Variants in MME observed in about 807,000 individuals in gnomAD.
MME encodes neprilysin.
A neutral mutation model predicts 113.2 loss-of-function variants in MME; 98 were observed. The observed-to-expected ratio is 0.87, with a 90% CI of 0.74 to 1.02. The LOEUF is 1.02. MME is among the 50% of genes least tolerant of loss of function. The pLI, the probability that MME is intolerant of heterozygous loss-of-function variation, is 0.00. For missense variants in MME, 836 were observed against 896.0 expected, an observed-to-expected ratio of 0.93 and a Z score of 0.86; for synonymous variants, 292 against 300.6, an observed-to-expected ratio of 0.97 and a Z score of 0.30.
rs1553762420 is a variant in MME at position 155,133,062 on chromosome 3, A to AATATATATATAT, written c.721-5033_721-5022dup. On this transcript the variant is annotated intron_variant, in intron 8 of 22. Coordinates refer to ENST00000360490, the MANE Select transcript of MME (RefSeq NM_007289.4). ...TCTAAAAAAAAAAAAAAAAAAAAAA[A>AATATATATATAT]ATATATATATATATATATGTATAAA... is the stretch of plus-strand genomic sequence containing the variant. Among the ~76,000 whole-genome samples, 52 of 75,058 alleles carry AATATATATATAT rather than the reference A, an allele frequency of 6.9e-4. 2 individuals carry two copies. Among genetic ancestry groups the AATATATATATAT allele is most frequent in the African/African-American group, 3.2e-3 (48 of 15,204 alleles). 49.2% of individuals were successfully genotyped at this position (75,058 alleles called of 152,430 possible). A position where few individuals can be genotyped will look rare whatever the true frequency, so the allele number is the denominator to read the frequency against.
intron 3 of MME, among the ~76,000 whole-genome samples, chr3:155,110,722 C>A (rs1395679312): frequency 6.6e-6 from 1 of 152,102 alleles, no homozygotes; most frequent in Non-Finnish European, 1.5e-5. Context: ...AATGCATGTT[C>A]ATCTAATACA....
Position 155,087,144 on chromosome 3 carries a change from T to C in MME, c.196+2050T>C, listed in dbSNP as rs16824551. Among the ~76,000 whole-genome samples, 1,473 of 152,124 alleles carry C rather than the reference T, an allele frequency of 9.7e-3. 25 individuals carry two copies. Among genetic ancestry groups the C allele is most frequent in the African/African-American group, 0.034 (1,407 of 41,514 alleles). ...GAGCCACTGCACCCAGTCTTGGATA[T>C]TCTTTACTTGGATTTTTGTTATTCA... On this transcript the variant is annotated intron_variant, in intron 3 of 22. Coordinates refer to ENST00000360490, the MANE Select transcript of MME (RefSeq NM_007289.4).
rs915287275 is a variant in MME, at chr3:155,168,918, A to G, written c.1980+121A>G. 4 of 796,350 alleles carry G rather than the reference A, an allele frequency of 5.0e-6. No homozygotes were observed. The African/African-American group carries it at 5.3e-5, about 11-fold the overall frequency. The allele number at this position is 796,350 out of a possible 1,614,324, so 49.3% of individuals were successfully genotyped here. ...ATAAGCAGTAAATGATGAATAGAAA[A>G]TGGAAAAAAATATGAGAAGAAAGAG... On this transcript the variant is annotated intron_variant, in intron 20 of 22. Transcript: ENST00000360490.
intron 22 of MME, among the ~76,000 whole-genome samples, chr3:155,177,061 G>A (rs557290496): frequency 2.6e-5 from 4 of 152,034 alleles, no homozygotes; most frequent in African/African-American, 9.6e-5. Context: ...TCTTTTAGGT[G>A]TTTTTTGTTT....
chr3:155,071,270 C>T (rs2108144410), intron 1 of MME, among the ~76,000 whole-genome samples: 1 of 152,292 alleles, frequency 6.6e-6, no homozygotes, highest in Admixed American at 6.5e-5. Flanking sequence ...TGTAACTGAG[C>T]TTAGTCACAT....
chr3:155,083,058 A>C (rs938743304), intron 1 of MME, among the ~76,000 whole-genome samples: 3 of 152,320 alleles, frequency 2.0e-5, no homozygotes, highest in Admixed American at 6.5e-5. Flanking sequence ...TGTGTGTTCT[A>C]ATCCTTGGAG....
intron 17 of MME, among the ~76,000 whole-genome samples, chr3:155,161,109 C>T (rs1722692459): frequency 6.6e-6 from 1 of 152,044 alleles, no homozygotes; most frequent in Non-Finnish European, 1.5e-5. Flanking sequence ...AACTGAATGA[C>T]ATAATATGAC....
At chr3:155,110,716 C>T (rs1329939239) in intron 3 of MME, among the ~76,000 whole-genome samples, 1 of 152,136 alleles carries the variant, frequency 6.6e-6, no homozygotes, top group Non-Finnish European at 1.5e-5. Context: ...AAAAGTAATG[C>T]ATGTTCATCT....
chr3:155,149,540 T>C (rs1474215848), intron 16 of MME, among the ~76,000 whole-genome samples: 1 of 152,140 alleles, frequency 6.6e-6, no homozygotes, highest in African/African-American at 2.4e-5. Context: ...TATTAACATT[T>C]TGGAACACGA....
chr3:155,070,326 T>C (rs1714511746), intron 1 of MME, among the ~76,000 whole-genome samples: 1 of 152,238 alleles, frequency 6.6e-6, no homozygotes, highest in Non-Finnish European at 1.5e-5. Context: ...GAGCAGTTCG[T>C]TTCTTTAGGA....
intron 1 of MME, among the ~76,000 whole-genome samples, chr3:155,027,171 C>G (rs1712813385): frequency 6.6e-6 from 1 of 152,184 alleles, no homozygotes. Flanking sequence ...TCAAATCCAT[C>G]TCTTCCTTGG....
At chr3:155,125,320 G>C (rs1480479976) in intron 8 of MME, among the ~76,000 whole-genome samples, 1 of 77,396 alleles carries the variant, frequency 1.3e-5, no homozygotes, top group Non-Finnish European at 3.3e-5. Flanking sequence ...CACTGTCTGG[G>C]ACTCCCTAGT....
chr3:155,137,432 C>T (rs1720717732), intron 8 of MME, among the ~76,000 whole-genome samples: 1 of 152,178 alleles, frequency 6.6e-6, no homozygotes, highest in Non-Finnish European at 1.5e-5. Flanking sequence ...TATGGCTGAG[C>T]ATGGTGGCTC....
At chr3:155,098,632 GAAACA>G (rs1397026738) in intron 3 of MME, among the ~76,000 whole-genome samples, 1 of 151,736 alleles carries the variant, frequency 6.6e-6, no homozygotes, top group African/African-American at 2.4e-5. Context: ...ATAAAGAAAT[GAAACA>G]AACAAACAAA....
At chr3:155,064,847 C>A (rs991449724) in intron 1 of MME, among the ~76,000 whole-genome samples, 1 of 152,174 alleles carries the variant, frequency 6.6e-6, no homozygotes, top group Non-Finnish European at 1.5e-5. Context: ...GAGAATCCTT[C>A]CTTGACTCTT....
chr3:155,155,258 A>G (rs1722232491), intron 16 of MME, among the ~76,000 whole-genome samples: 1 of 152,222 alleles, frequency 6.6e-6, no homozygotes, highest in South Asian at 2.1e-4. Flanking sequence ...TTTTAAAAAC[A>G]AAACGAAACA....
At chr3:155,043,363 C>T (rs1713426669) in intron 1 of MME, among the ~76,000 whole-genome samples, 2 of 148,428 alleles carry the variant, frequency 1.3e-5, no homozygotes, top group African/African-American at 2.5e-5. Flanking sequence ...CGGAGTTTCT[C>T]TCTTGTTGCC....
chr3:155,077,477 A>G (rs2108149335), upstream of MME, among the ~76,000 whole-genome samples: 1 of 152,356 alleles, frequency 6.6e-6, no homozygotes, highest in Middle Eastern at 3.4e-3. Flanking sequence ...ATCCCTTAAA[A>G]AAATTATCTC....
chr3:155,112,126 A>G (rs375307913), intron 3 of MME, among the ~76,000 whole-genome samples: 7 of 152,172 alleles, frequency 4.6e-5, no homozygotes, highest in Non-Finnish European at 1.0e-4. Flanking sequence ...GACTGAGCAC[A>G]GTGTTAGGCT....
Sources: allele counts gnomAD v4.1 joint callset (sites outside exome capture counted in the v4.1 genomes callset), GRCh38; gene constraint gnomAD v4.1.1; transcripts MANE v1.5; gene names NCBI Gene and HGNC (gene_info 2026-07-23, HGNC 2026-07-21).